NTNG1: variants seen among roughly 807,000 people sequenced by gnomAD.
NTNG1 encodes netrin G1.
NTNG1 carries 16 observed loss-of-function variants against 54.0 expected under a neutral mutation model. The ratio of observed to expected loss-of-function variants is 0.30; its 90% CI spans 0.20 to 0.45. The LOEUF is 0.45. Among genes scored for constraint, NTNG1 ranks in the 20% least tolerant of loss-of-function variants. NTNG1 has a pLI of 1.00. For missense variants in NTNG1, 530 were observed against 678.7 expected, an observed-to-expected ratio of 0.78 and a Z score of 2.43; for synonymous variants, 255 against 263.1, an observed-to-expected ratio of 0.97 and a Z score of 0.30.
At chr1:107,354,384 G>A (rs1049998698) in intron 3 of NTNG1, among the ~76,000 whole-genome samples, 4 of 145,134 alleles carry the variant, frequency 2.8e-5, no homozygotes, top group Non-Finnish European at 4.5e-5. Context: ...CAGAAGAATC[G>A]CTTGAACCCG....
chr1:107,241,680 T>G (rs182212540), intron 2 of NTNG1, among the ~76,000 whole-genome samples: 16 of 152,260 alleles, frequency 1.1e-4, no homozygotes, highest in Admixed American at 8.5e-4. Context: ...CCCTGTTCCC[T>G]CAAGAAAATG....
chr1:107,246,261 G>C (rs913864511), intron 2 of NTNG1, among the ~76,000 whole-genome samples: 1 of 152,260 alleles, frequency 6.6e-6, no homozygotes, highest in South Asian at 2.1e-4. Flanking sequence ...CACCGTGTTA[G>C]CCAGAATAGT....
intron 5 of NTNG1, chr1:107,408,018 C>A: frequency 1.9e-6 from 1 of 533,832 alleles, no homozygotes; most frequent in South Asian, 1.6e-5. Context: ...ATAAGTAGTC[C>A]TATTTATCCA....
chr1:107,185,544 T>C (rs544323806), intron 2 of NTNG1, among the ~76,000 whole-genome samples: 9 of 152,170 alleles, frequency 5.9e-5, no homozygotes, highest in Non-Finnish European at 1.2e-4. Context: ...TCTTACCTAA[T>C]TGCATTTGCA....
chr1:107,337,628 TAACAAC>T (rs71739435), intron 3 of NTNG1, among the ~76,000 whole-genome samples: 2 of 151,636 alleles, frequency 1.3e-5, no homozygotes, highest in Non-Finnish European at 2.9e-5. Flanking sequence ...ATGTGTATTT[TAACAAC>T]AACAACAAAA....
intron 7 of NTNG1, chr1:107,455,717 G>T (rs552199779): frequency 8.3e-4 from 331 of 398,800 alleles, no homozygotes; most frequent in Non-Finnish European, 1.4e-3. Context: ...ATACGCGGAT[G>T]AGCCTTTTAC....
chr1:107,398,081 A>G (rs927734836), intron 4 of NTNG1, among the ~76,000 whole-genome samples: 1 of 152,118 alleles, frequency 6.6e-6, no homozygotes, highest in African/African-American at 2.4e-5. Flanking sequence ...AAAAGCTACA[A>G]CTTCTGGTCC....
At chr1:107,454,968 G>A (rs1162632916) in intron 7 of NTNG1, among the ~76,000 whole-genome samples, 1 of 152,100 alleles carries the variant, frequency 6.6e-6, no homozygotes, top group Non-Finnish European at 1.5e-5. Flanking sequence ...CTACGTGTGA[G>A]CACAGTGCTG....
At position 107,301,131 on chromosome 1, in the gene NTNG1, G is replaced by T. The variant is rs1436374755; in HGVS notation, c.247-23151G>T. Among the ~76,000 whole-genome samples, 4 of 152,038 alleles carry T rather than the reference G, an allele frequency of 2.6e-5. No homozygotes were observed. In the East Asian group the frequency reaches 5.8e-4, roughly 22 times the overall value. On this transcript the variant is annotated intron_variant, in intron 2 of 7. Coordinates refer to ENST00000370068, the MANE Select transcript of NTNG1 (RefSeq NM_001113226.3). ...ACAAAAGACTTATCTATGAACAAAT[G>T]ATTAGTATATTGCTTTAAAAAATTT...
intron 2 of NTNG1, among the ~76,000 whole-genome samples, chr1:107,224,748 AG>A (rs1046384667): frequency 7.2e-5 from 11 of 152,172 alleles, no homozygotes; most frequent in African/African-American, 2.2e-4. Flanking sequence ...CAGAAGCTGC[AG>A]GGTTGCAGTG....
intron 2 of NTNG1, among the ~76,000 whole-genome samples, chr1:107,167,337 C>T (rs1279782384): frequency 2.0e-5 from 3 of 151,112 alleles, no homozygotes; most frequent in African/African-American, 7.3e-5. Flanking sequence ...ATTACCTTTT[C>T]CACAGTTTAT....
Position 107,433,784 on chromosome 1 carries a change from G to A in NTNG1, c.1255+2867G>A, listed in dbSNP as rs17019043. 5.9e-3 allele frequency among the ~76,000 whole-genome samples: 891 copies of A among 152,238 alleles called. 12 individuals are homozygous for A. Among genetic ancestry groups the A allele is most frequent in the African/African-American group, 0.02 (836 of 41,538 alleles). ...AGATTTCACTTACCCTGCTTGAGGC[G>A]CTGAGGACAGTGGTACTGGGGCTGC... On this transcript the variant is annotated intron_variant, in intron 6 of 7. Transcript: ENST00000370068.
intron 2 of NTNG1, among the ~76,000 whole-genome samples, chr1:107,172,739 A>G (rs1471233161): frequency 6.6e-6 from 1 of 152,200 alleles, no homozygotes; most frequent in Admixed American, 6.5e-5. Context: ...GCCTTACATT[A>G]TAGACTCCTT....
chr1:107,177,820 T>G (rs1179063047), intron 2 of NTNG1, among the ~76,000 whole-genome samples: 1 of 152,198 alleles, frequency 6.6e-6, no homozygotes. Flanking sequence ...TTTTATGATA[T>G]TTAGGTGATT....
chr1:107,476,870 T>C (rs112939272), intron 7 of NTNG1, among the ~76,000 whole-genome samples: 1,571 of 152,342 alleles, frequency 0.01, 11 homozygotes, highest in Middle Eastern at 0.027. Flanking sequence ...ATTCCAGCCA[T>C]AGCAGTCCAT....
At chr1:107,218,532 A>G (rs559432949) in intron 2 of NTNG1, among the ~76,000 whole-genome samples, 1 of 152,136 alleles carries the variant, frequency 6.6e-6, no homozygotes, top group East Asian at 1.9e-4. Context: ...TTTTCATTGC[A>G]TAGTTGTTTT....
intron 7 of NTNG1, among the ~76,000 whole-genome samples, chr1:107,439,274 T>TTGTG (rs1172478492): frequency 6.4e-5 from 4 of 62,520 alleles, no homozygotes; most frequent in African/African-American, 1.9e-4. Flanking sequence ...GTTCCAGAAC[T>TTGTG]TGCGTGTGTG....
rs1194773506 is a variant in NTNG1 at position 107,484,080 on chromosome 1, G to A, written c.*3240G>A. Reference sequence around the variant, plus strand: ...TTTAGGCCAAATGTAGGCCCCCTCTGGGGGTTTAAACTCCTGGAGGCAAGC... The same window carrying A: ...TTTAGGCCAAATGTAGGCCCCCTCTAGGGGTTTAAACTCCTGGAGGCAAGC... On this transcript the variant is annotated 3_prime_UTR_variant, in exon 8 of 8. Coordinates refer to ENST00000370068, the MANE Select transcript of NTNG1 (RefSeq NM_001113226.3). Among the ~76,000 whole-genome samples the A allele has an allele frequency of 6.6e-6, 1 of 152,164 alleles. No individual in the cohort carries two copies. The highest frequency in any genetic ancestry group is 1.5e-5 in the Non-Finnish European group (1 of 68,032).
chr1:107,322,657 T>TC (rs1258529553), intron 2 of NTNG1, among the ~76,000 whole-genome samples: 2 of 151,818 alleles, frequency 1.3e-5, no homozygotes, highest in African/African-American at 2.4e-5. Context: ...GAAACTTATT[T>TC]CCCCCCTCCC....
Sources: gnomAD v4.1 joint callset for allele counts (sites outside exome capture counted in the v4.1 genomes callset) on GRCh38, gnomAD v4.1.1 for gene constraint, MANE v1.5 for transcripts, NCBI Gene and HGNC (gene_info 2026-07-23, HGNC 2026-07-21) for gene names.